CTNNA3: variants seen among roughly 807,000 people sequenced by gnomAD.
CTNNA3 encodes catenin alpha-3.
Under a neutral mutation model 95.7 loss-of-function variants are expected in CTNNA3, and 76 were observed. That is an observed-to-expected ratio of 0.79 (90% confidence interval 0.66 to 0.96). The LOEUF (loss-of-function observed/expected upper bound fraction) is 0.96, where lower values mean the gene tolerates loss of function less well. CTNNA3 is among the 40% of genes least tolerant of loss of function. The pLI, the probability that CTNNA3 is intolerant of heterozygous loss-of-function variation, is 0.00. For missense variants in CTNNA3, 1,191 were observed against 1,089.8 expected (o/e 1.09, Z -1.31); for synonymous variants, 431 against 374.4 (o/e 1.15, Z -1.74).
At chr10:67,137,831 A>G (rs563518157) in intron 7 of CTNNA3, among the ~76,000 whole-genome samples, 1 of 152,164 alleles carries the variant, frequency 6.6e-6, no homozygotes, top group Non-Finnish European at 1.5e-5. Flanking sequence ...TTATATGTCT[A>G]TTAAAAAGGA....
At chr10:67,240,977 C>A (rs916682577) in intron 5 of CTNNA3, among the ~76,000 whole-genome samples, 1 of 152,110 alleles carries the variant, frequency 6.6e-6, no homozygotes, top group East Asian at 1.9e-4. Flanking sequence ...GTATCTGAAG[C>A]CATCTGCCGC....
chr10:66,285,734 T>A (rs1414682450), intron 12 of CTNNA3, among the ~76,000 whole-genome samples: 1 of 151,830 alleles, frequency 6.6e-6, no homozygotes, highest in African/African-American at 2.4e-5. Context: ...TCAGTAAGAA[T>A]TCTCAAATGT....
intron 15 of CTNNA3, among the ~76,000 whole-genome samples, chr10:65,997,034 TC>T (rs1433429202): frequency 6.6e-6 from 1 of 151,204 alleles, no homozygotes; most frequent in Non-Finnish European, 1.5e-5. Context: ...TTTTTTTTAA[TC>T]CCATTATCTA....
At chr10:66,961,935 C>T (rs968246139) in intron 7 of CTNNA3, among the ~76,000 whole-genome samples, 10 of 152,080 alleles carry the variant, frequency 6.6e-5, no homozygotes, top group Non-Finnish European at 1.5e-4. Flanking sequence ...CTCTCAAAGC[C>T]ACTTCCAACT....
intron 1 of CTNNA3, among the ~76,000 whole-genome samples, chr10:67,759,914 A>G (rs562568255): frequency 6.6e-6 from 1 of 152,320 alleles, no homozygotes; most frequent in Non-Finnish European, 1.5e-5. Flanking sequence ...TTGCAGCCCC[A>G]GTCACCACCT....
chr10:66,685,277 A>ATATATGTGTGTATATATACG (rs1401121654), intron 9 of CTNNA3, among the ~76,000 whole-genome samples: 8 of 51,448 alleles, frequency 1.6e-4, no homozygotes, highest in African/African-American at 2.5e-4. Flanking sequence ...ATATATACGT[A>ATATATGTGTGTATATATACG]TATATAAGTA....
At chr10:67,283,933 T>C (rs1014946879) in intron 5 of CTNNA3, among the ~76,000 whole-genome samples, 5 of 152,240 alleles carry the variant, frequency 3.3e-5, no homozygotes, top group Non-Finnish European at 5.9e-5. Context: ...AATGTATCTT[T>C]GTCTTCATTC....
intron 5 of CTNNA3, among the ~76,000 whole-genome samples, chr10:67,441,404 C>T (rs1304550969): frequency 6.6e-6 from 1 of 151,974 alleles, no homozygotes; most frequent in African/African-American, 2.4e-5. Flanking sequence ...TTCAAAAATA[C>T]AATATCAGAG....
At chr10:66,128,209 T>C (rs931753749) in intron 13 of CTNNA3, among the ~76,000 whole-genome samples, 6 of 152,092 alleles carry the variant, frequency 3.9e-5, no homozygotes, top group African/African-American at 9.7e-5. Flanking sequence ...TTAGTCAATA[T>C]AGAGAAAAGA....
At chr10:65,953,373 CT>C (rs547832607) in intron 17 of CTNNA3, among the ~76,000 whole-genome samples, 24 of 147,162 alleles carry the variant, frequency 1.6e-4, no homozygotes, top group South Asian at 8.7e-4. Flanking sequence ...ATACTCACCT[CT>C]TTTTTTTTTA....
At chr10:66,055,387 A>C (rs2080059062) in intron 15 of CTNNA3, among the ~76,000 whole-genome samples, 1 of 152,014 alleles carries the variant, frequency 6.6e-6, no homozygotes, top group Non-Finnish European at 1.5e-5. Flanking sequence ...TGTCCCCTTC[A>C]ATTTCTTTCA....
At chr10:65,990,197 C>T (rs2078514077) in intron 15 of CTNNA3, among the ~76,000 whole-genome samples, 1 of 151,788 alleles carries the variant, frequency 6.6e-6, no homozygotes. Context: ...AATAGGGGTG[C>T]AGGTATCCTT....
At chr10:67,258,888 T>C (rs1866466204) in intron 5 of CTNNA3, among the ~76,000 whole-genome samples, 1 of 152,210 alleles carries the variant, frequency 6.6e-6, no homozygotes, top group African/African-American at 2.4e-5. Context: ...AATTCTCAGA[T>C]GCTCAAGTCT....
chr10:66,617,446 C>G (rs533002345), intron 10 of CTNNA3, among the ~76,000 whole-genome samples: 109 of 152,126 alleles, frequency 7.2e-4, no homozygotes, highest in African/African-American at 2.5e-3. Flanking sequence ...ATAAACAGAA[C>G]CAAAGACAAA....
At chr10:67,685,667 C>T (rs993990186) in intron 1 of CTNNA3, among the ~76,000 whole-genome samples, 30 of 152,342 alleles carry the variant, frequency 2.0e-4, no homozygotes, top group Admixed American at 3.9e-4. Context: ...TATAGGGTTA[C>T]AGAGAAGACC....
At chr10:66,197,982 G>A (rs2087072455) in intron 13 of CTNNA3, among the ~76,000 whole-genome samples, 1 of 152,258 alleles carries the variant, frequency 6.6e-6, no homozygotes, top group African/African-American at 2.4e-5. Flanking sequence ...ATTAGTAAGT[G>A]ACTCATTTTT....
chr10:67,455,369 G>A (rs1433614591), intron 5 of CTNNA3, among the ~76,000 whole-genome samples: 3 of 152,084 alleles, frequency 2.0e-5, no homozygotes, highest in Non-Finnish European at 4.4e-5. Flanking sequence ...CAATTGTTGG[G>A]ATACCGAAGA....
chr10:67,699,811 C>T (rs1423863979), upstream of CTNNA3, among the ~76,000 whole-genome samples: 4 of 152,322 alleles, frequency 2.6e-5, no homozygotes, highest in Non-Finnish European at 4.4e-5. Context: ...GAGCCGAAGT[C>T]GGGCAAGCCA....
intron 7 of CTNNA3, among the ~76,000 whole-genome samples, chr10:66,897,256 G>A (rs1043007628): frequency 2.6e-5 from 4 of 151,978 alleles, no homozygotes; most frequent in African/African-American, 9.7e-5. Flanking sequence ...ATATAAAGAT[G>A]TGTGTGTGTA....
Sources: allele counts gnomAD v4.1 joint callset (sites outside exome capture counted in the v4.1 genomes callset), GRCh38; gene constraint gnomAD v4.1.1; transcripts MANE v1.5; gene names NCBI Gene and HGNC (gene_info 2026-07-23, HGNC 2026-07-21).